Variants in MME observed in about 807,000 individuals in gnomAD.
MME encodes the protein membrane metalloendopeptidase, also known as neprilysin.
In MME, 98 loss-of-function variants were observed where a neutral mutation model predicts 113.2. The observed-to-expected ratio is 0.87, with a 90% CI of 0.74 to 1.02. MME has a LOEUF of 1.02. Ranked by LOEUF, MME falls within the 50% of genes least tolerant of loss-of-function variation. MME has a pLI of 0.00. For missense variants in MME, 836 were observed against 896.0 expected (o/e 0.93, Z 0.86); for synonymous variants, 292 against 300.6 (o/e 0.97, Z 0.30).
intron 3 of MME, among the ~76,000 whole-genome samples, chr3:155,105,758 C>A (rs1717632205): frequency 6.6e-6 from 1 of 152,108 alleles, no homozygotes; most frequent in African/African-American, 2.4e-5. Flanking sequence ...TAAAAGAAAA[C>A]AAACATTAAA....
intron 8 of MME, among the ~76,000 whole-genome samples, chr3:155,130,498 T>A (rs998187637): frequency 6.6e-6 from 1 of 152,026 alleles, no homozygotes; most frequent in Non-Finnish European, 1.5e-5. Context: ...GTGTAGAGCC[T>A]TCACAAAATC....
At chr3:155,131,350 G>A (rs1720130515) in intron 8 of MME, among the ~76,000 whole-genome samples, 1 of 152,188 alleles carries the variant, frequency 6.6e-6, no homozygotes, top group South Asian at 2.1e-4. Flanking sequence ...GGCGGAGCTT[G>A]TCTCACTGCA....
At chr3:155,169,615 T>C (rs1711684773) in intron 20 of MME, among the ~76,000 whole-genome samples, 1 of 152,164 alleles carries the variant, frequency 6.6e-6, no homozygotes, top group Non-Finnish European at 1.5e-5. Flanking sequence ...AAGATGATTT[T>C]GAGTGTTTTT....
chr3:155,033,522 T>C (rs1430168819), intron 1 of MME, among the ~76,000 whole-genome samples: 1 of 152,184 alleles, frequency 6.6e-6, no homozygotes, highest in African/African-American at 2.4e-5. Flanking sequence ...CCTATTGTTA[T>C]AAATACTAAT....
At chr3:155,058,937 C>A (rs1199210160) in intron 1 of MME, among the ~76,000 whole-genome samples, 2 of 152,052 alleles carry the variant, frequency 1.3e-5, no homozygotes, top group African/African-American at 2.4e-5. Context: ...ATAAAAAATT[C>A]TTCTTCCTCT....
chr3:155,089,703 T>A (rs1716109165), intron 3 of MME: 1 of 299,114 alleles, frequency 3.3e-6, no homozygotes, highest in African/African-American at 2.2e-5. Context: ...TATGTTGCCT[T>A]ATATGGCAAC....
upstream of MME, chr3:155,079,516 T>TC (rs1357981762): frequency 6.6e-6 from 1 of 151,738 alleles, no homozygotes; most frequent in Non-Finnish European, 1.5e-5. Flanking sequence ...GCCCCCCGTC[T>TC]CCCCGGCCCC....
At chr3:155,171,297 T>A (rs1180497755) in intron 20 of MME, among the ~76,000 whole-genome samples, 3 of 152,130 alleles carry the variant, frequency 2.0e-5, no homozygotes, top group Non-Finnish European at 4.4e-5. Context: ...CTTTCCCATA[T>A]CCCCAGCATC....
rs73012364 is a variant in MME, at chr3:155,172,981, A to C, written c.2153+369A>C. ...ACCCAATGAGCTCCAACTTGCAAAG[A>C]AAAATTTCAATATAAAGGAAACTTT... On this transcript the variant is annotated intron_variant, in intron 22 of 22. Transcript: ENST00000360490. Among the ~76,000 whole-genome samples, 163 of 152,212 alleles carry C rather than the reference A, an allele frequency of 1.1e-3. 1 individual carries two copies. The highest frequency in any genetic ancestry group is 3.9e-3 in the African/African-American group (161 of 41,544).
At chr3:155,163,269 G>A (rs1284967702) in intron 17 of MME, among the ~76,000 whole-genome samples, 3 of 151,906 alleles carry the variant, frequency 2.0e-5, no homozygotes, top group Admixed American at 6.6e-5. Context: ...ATGTTGTTAT[G>A]TTAAAAAAAG....
At chr3:155,042,324 G>A (rs976730116) in intron 1 of MME, among the ~76,000 whole-genome samples, 2 of 152,046 alleles carry the variant, frequency 1.3e-5, no homozygotes, top group African/African-American at 4.8e-5. Context: ...TAAGTGATAT[G>A]GACCCACAAT....
At chr3:155,050,731 G>C (rs1713732764) in intron 1 of MME, among the ~76,000 whole-genome samples, 1 of 152,122 alleles carries the variant, frequency 6.6e-6, no homozygotes, top group Non-Finnish European at 1.5e-5. Context: ...CTGGATATTA[G>C]AACACTGTCA....
chr3:155,170,189 C>T (rs1711762964), intron 20 of MME, among the ~76,000 whole-genome samples: 1 of 152,088 alleles, frequency 6.6e-6, no homozygotes, highest in Non-Finnish European at 1.5e-5. Context: ...GGATTACAGG[C>T]ATGTGCCACC....
intron 8 of MME, among the ~76,000 whole-genome samples, chr3:155,135,199 TA>T (rs1192868288): frequency 6.6e-6 from 1 of 152,170 alleles, no homozygotes; most frequent in Non-Finnish European, 1.5e-5. Context: ...GACTTAGTGA[TA>T]AACTCTTTCC....
intron 1 of MME, among the ~76,000 whole-genome samples, chr3:155,033,049 T>C (rs531979887): frequency 3.5e-4 from 53 of 152,340 alleles, no homozygotes; most frequent in South Asian, 6.2e-4. Context: ...CTGAGTTAGG[T>C]ACAGGGCAAT....
chr3:155,172,400 A>G (rs1712070671), intron 21 of MME, 136 bp from the exon 22 acceptor site: 3 of 838,098 alleles, frequency 3.6e-6, no homozygotes, highest in Non-Finnish European at 2.1e-6. Flanking sequence ...CCTTTCATTG[A>G]ACATTATTTG....
chr3:155,064,023 G>T (rs1281463008), intron 1 of MME, among the ~76,000 whole-genome samples: 1 of 152,028 alleles, frequency 6.6e-6, no homozygotes, highest in Non-Finnish European at 1.5e-5. Flanking sequence ...CAGCATGGTG[G>T]CTCATGCCTG....
chr3:155,125,790 G>A (rs1466200993), intron 8 of MME, among the ~76,000 whole-genome samples: 1 of 152,000 alleles, frequency 6.6e-6, no homozygotes, highest in Admixed American at 6.6e-5. Flanking sequence ...GTAAGGAACA[G>A]CAGGAGACAA....
At chr3:155,056,403 C>T (rs1389310474) in intron 1 of MME, among the ~76,000 whole-genome samples, 1 of 150,716 alleles carries the variant, frequency 6.6e-6, no homozygotes, top group Non-Finnish European at 1.5e-5. Flanking sequence ...TGTTCAGTTC[C>T]CACCTATGAG....
Sources: gnomAD v4.1 joint callset for allele counts (sites outside exome capture counted in the v4.1 genomes callset) on GRCh38, gnomAD v4.1.1 for gene constraint, MANE v1.5 for transcripts, NCBI Gene and HGNC (gene_info 2026-07-23, HGNC 2026-07-21) for gene names.